Variants in BICC1 observed in about 807,000 individuals in gnomAD.
BICC1 encodes protein bicaudal C homolog 1.
Under a neutral mutation model 111.0 loss-of-function variants are expected in BICC1, and 43 were observed. The observed-to-expected ratio is 0.39, with a 90% CI of 0.30 to 0.50. The LOEUF is 0.50. BICC1 is among the 20% of genes least tolerant of loss of function. BICC1 has a pLI of 0.88. For synonymous variants in BICC1, 467 were observed against 434.4 expected (o/e 1.07, Z -0.93); for missense variants, 1,091 against 1,203.2 (o/e 0.91, Z 1.38).
chr10:58,564,986 C>T (rs1843712836), intron 1 of BICC1, among the ~76,000 whole-genome samples: 1 of 151,950 alleles, frequency 6.6e-6, no homozygotes, highest in Non-Finnish European at 1.5e-5. Context: ...TTTGATTTAC[C>T]TATTTACATT....
chr10:58,694,174 T>C (rs1840000570), intron 2 of BICC1, among the ~76,000 whole-genome samples: 1 of 152,192 alleles, frequency 6.6e-6, no homozygotes, highest in Admixed American at 6.5e-5. Context: ...ATTTCCAGCA[T>C]TGTCATTTTT....
At chr10:58,728,684 T>C (rs2393490) in intron 3 of BICC1, among the ~76,000 whole-genome samples, 151,793 of 152,178 alleles carry the variant, frequency 1, 75,705 homozygotes, top group Middle Eastern at 1. Flanking sequence ...TCAGCTATAG[T>C]CTTACAAAAT....
At chr10:58,783,167 G>A (rs1428334838) in intron 3 of BICC1, among the ~76,000 whole-genome samples, 1 of 152,048 alleles carries the variant, frequency 6.6e-6, no homozygotes, top group Non-Finnish European at 1.5e-5. Flanking sequence ...GGATAAGGAA[G>A]GGTGCTTGAG....
intron 2 of BICC1, among the ~76,000 whole-genome samples, chr10:58,698,340 C>T (rs1223475860): frequency 6.6e-6 from 1 of 152,190 alleles, no homozygotes; most frequent in Admixed American, 6.5e-5. Context: ...CCCTCAGGGC[C>T]TTGCAGGTAC....
At chr10:58,817,992 A>G (rs938957194) in intron 19 of BICC1, among the ~76,000 whole-genome samples, 28 of 152,206 alleles carry the variant, frequency 1.8e-4, no homozygotes, top group African/African-American at 5.3e-4. Context: ...CAATCGATAT[A>G]TAGATTCCTA....
intron 2 of BICC1, among the ~76,000 whole-genome samples, chr10:58,622,196 T>C (rs1845840899): frequency 6.6e-6 from 1 of 151,310 alleles, no homozygotes; most frequent in African/African-American, 2.4e-5. Flanking sequence ...AAAAAAAAAA[T>C]GAAAAGAAAA....
Position 58,535,608 on chromosome 10 carries a change from ACAC to A in BICC1, c.190+22276_190+22278del, listed in dbSNP as rs1589072312. ...CTAAATCTTGAAAGAAAAGATTGATACACACCAGGATAGAAACCTCTGAAAACA... is the reference window on the plus strand; with the variant it reads ...CTAAATCTTGAAAGAAAAGATTGATAACCAGGATAGAAACCTCTGAAAACA... On this transcript the variant is annotated intron_variant, in intron 1 of 20. Transcript: ENST00000373886. Among the ~76,000 whole-genome samples, 9 of 151,920 alleles carry A rather than the reference ACAC, an allele frequency of 5.9e-5. No individual in the cohort carries two copies. The East Asian group carries it at 1.4e-3, about 23-fold the overall frequency.
chr10:58,823,604 TG>T (rs755758696), intron 20 of BICC1: 109 of 985,290 alleles, frequency 1.1e-4, no homozygotes, highest in Non-Finnish European at 1.2e-4. Context: ...TTTGTCTTCA[TG>T]GCCCAGTTGT....
chr10:58,715,804 G>T, intron 3 of BICC1: 1 of 1,348,784 alleles, frequency 7.4e-7, no homozygotes, highest in Non-Finnish European at 1.0e-6. Flanking sequence ...TTAACTGCAA[G>T]TGAGAGCTCA....
At chr10:58,793,826 A>G (rs1202068369) in intron 9 of BICC1, among the ~76,000 whole-genome samples, 1 of 152,072 alleles carries the variant, frequency 6.6e-6, no homozygotes, top group Non-Finnish European at 1.5e-5. Context: ...TAGATTTTGG[A>G]TTTTCATATT....
intron 2 of BICC1, among the ~76,000 whole-genome samples, chr10:58,666,064 G>A (rs1299917219): frequency 3.3e-5 from 5 of 152,150 alleles, no homozygotes; most frequent in South Asian, 2.1e-4. Flanking sequence ...AAATTTAAAG[G>A]AGCTTAATTG....
intron 2 of BICC1, among the ~76,000 whole-genome samples, chr10:58,671,369 G>C (rs1184548171): frequency 6.6e-6 from 1 of 152,168 alleles, no homozygotes; most frequent in East Asian, 1.9e-4. Flanking sequence ...CCCATCTGGA[G>C]GGTATGGCCC....
chr10:58,787,928 C>A (rs957725006), intron 5 of BICC1, among the ~76,000 whole-genome samples: 1 of 151,894 alleles, frequency 6.6e-6, no homozygotes, highest in African/African-American at 2.4e-5. Flanking sequence ...GAAGTAAGCT[C>A]GAGGTAGATG....
intron 1 of BICC1, among the ~76,000 whole-genome samples, chr10:58,552,331 ATTTT>A (rs1843316186): frequency 6.6e-6 from 1 of 151,540 alleles, no homozygotes; most frequent in Non-Finnish European, 1.5e-5. Context: ...TTTTTTTATT[ATTTT>A]ATTTATTTAT....
chr10:58,666,350 GTTAGGTT>G (rs912333758), intron 2 of BICC1, among the ~76,000 whole-genome samples: 1 of 152,144 alleles, frequency 6.6e-6, no homozygotes, highest in Non-Finnish European at 1.5e-5. Flanking sequence ...ATATTACTAA[GTTAGGTT>G]TTCAATTTTG....
intron 1 of BICC1, among the ~76,000 whole-genome samples, chr10:58,608,476 C>G (rs1432225724): frequency 2.0e-5 from 3 of 152,172 alleles, no homozygotes; most frequent in Admixed American, 2.0e-4. Flanking sequence ...TGTCTCTGCC[C>G]AGAATTCCCT....
At chr10:58,793,987 G>T (rs1431080922) in intron 9 of BICC1, among the ~76,000 whole-genome samples, 1 of 152,098 alleles carries the variant, frequency 6.6e-6, no homozygotes, top group Non-Finnish European at 1.5e-5. Flanking sequence ...ATTTGTAACA[G>T]TATTCATTAT....
chr10:58,624,531 A>G (rs1161665309), intron 2 of BICC1, among the ~76,000 whole-genome samples: 1 of 152,176 alleles, frequency 6.6e-6, no homozygotes, highest in African/African-American at 2.4e-5. Context: ...ATTGTCTACA[A>G]TGAGTATATA....
chr10:58,519,127 G>A (rs563165493), intron 1 of BICC1, among the ~76,000 whole-genome samples: 8 of 152,266 alleles, frequency 5.3e-5, no homozygotes, highest in South Asian at 4.1e-4. Flanking sequence ...CAGGAGCCCC[G>A]TGTCTTCCCT....
Sources: allele counts gnomAD v4.1 joint callset (sites outside exome capture counted in the v4.1 genomes callset), GRCh38; gene constraint gnomAD v4.1.1; transcripts MANE v1.5; gene names NCBI Gene and HGNC (gene_info 2026-07-23, HGNC 2026-07-21).